Variants in FRS2 observed in about 807,000 individuals in gnomAD.
FRS2 encodes the protein FGFR signalling adaptor.
FRS2 carries 8 observed loss-of-function variants against 43.9 expected under a neutral mutation model. The ratio of observed to expected loss-of-function variants is 0.18; its 90% CI spans 0.11 to 0.33. The LOEUF is 0.33. FRS2 is among the 10% of genes least tolerant of loss of function. FRS2 has a pLI of 1.00. For synonymous variants in FRS2, 219 were observed against 220.3 expected (o/e 0.99, Z 0.05); for missense variants, 534 against 627.6 (o/e 0.85, Z 1.59).
intron 3 of FRS2, among the ~76,000 whole-genome samples, chr12:69,536,308 A>G (rs1877303210): frequency 6.6e-6 from 1 of 151,066 alleles, no homozygotes; most frequent in Admixed American, 6.6e-5. Flanking sequence ...TTTTTTAAGT[A>G]GAGATGGGGT....
intron 3 of FRS2, among the ~76,000 whole-genome samples, chr12:69,553,677 T>C (rs1879099430): frequency 6.6e-6 from 1 of 152,314 alleles, no homozygotes. Flanking sequence ...TCTCTAGACC[T>C]AGATAATTCT....
At chr12:69,545,779 CAAAA>C (rs1184877881) in intron 3 of FRS2, among the ~76,000 whole-genome samples, 3 of 108,230 alleles carry the variant, frequency 2.8e-5, no homozygotes, top group African/African-American at 1.1e-4. Context: ...AAAAAAAAAA[CAAAA>C]ACAAAAACCC....
rs887350263 is a variant in FRS2 at position 69,521,647 on chromosome 12, G to A, written c.-260-9218G>A. 1.4e-4 allele frequency among the ~76,000 whole-genome samples: 21 copies of A among 151,928 alleles called. No homozygotes were observed. The East Asian group carries it at 1.7e-3, about 13-fold the overall frequency. On this transcript the variant is annotated intron_variant, in intron 1 of 8. Transcript: ENST00000549921. ...TTTGTTTTTTTTGAGATGGAGTCTCGCTCTTTCACCCAGGCTGGAGTGCAG... is the reference window on the plus strand; with the variant it reads ...TTTGTTTTTTTTGAGATGGAGTCTCACTCTTTCACCCAGGCTGGAGTGCAG...
intron 1 of FRS2, among the ~76,000 whole-genome samples, chr12:69,488,613 A>G (rs926770641): frequency 2.0e-5 from 3 of 152,128 alleles, no homozygotes; most frequent in African/African-American, 7.2e-5. Context: ...GTATGCTTGT[A>G]TATAAAATCC....
chr12:69,567,512 C>T (rs913431382), intron 4 of FRS2, among the ~76,000 whole-genome samples: 1 of 152,100 alleles, frequency 6.6e-6, no homozygotes, highest in African/African-American at 2.4e-5. Context: ...TCCTTGCTGA[C>T]AAGGGGCTCA....
intron 3 of FRS2, among the ~76,000 whole-genome samples, chr12:69,551,873 A>G (rs1426053712): frequency 1.3e-5 from 2 of 152,146 alleles, no homozygotes; most frequent in Non-Finnish European, 2.9e-5. Context: ...CATTGACTGT[A>G]TGGCATGTTT....
At chr12:69,506,061 T>C (rs1295555668) in intron 1 of FRS2, among the ~76,000 whole-genome samples, 3 of 152,200 alleles carry the variant, frequency 2.0e-5, no homozygotes, top group South Asian at 2.1e-4. Context: ...TAAAAAATTA[T>C]GAGACAGTAA....
At chr12:69,573,322 C>A in intron 8 of FRS2, among the ~76,000 whole-genome samples, 1 of 151,986 alleles carries the variant, frequency 6.6e-6, no homozygotes, top group South Asian at 2.1e-4. Context: ...TTTTCAAAGT[C>A]GTTATTTATT....
At chr12:69,491,081 C>T (rs941671823) in intron 1 of FRS2, among the ~76,000 whole-genome samples, 22 of 152,298 alleles carry the variant, frequency 1.4e-4, no homozygotes, top group African/African-American at 5.1e-4. Context: ...ACATTTTCTT[C>T]CTACATTTAT....
Position 69,479,953 on chromosome 12 carries a change from TCTTA to T in FRS2, c.-261+9424_-261+9427del, listed in dbSNP as rs1408068980. ...GATCTTCTTACTCTACCTCCGTGTC[TCTTA>T]ACCTGTCTTTTATATTGTCCATTTC... On this transcript the variant is annotated intron_variant, in intron 1 of 8. Transcript: ENST00000549921. Among the ~76,000 whole-genome samples, 15 of 152,240 alleles carry T rather than the reference TCTTA, an allele frequency of 9.9e-5. 1 individual carries two copies. The highest frequency in any genetic ancestry group is 3.2e-3 in the Middle Eastern group (1 of 316).
At chr12:69,502,686 G>C (rs774041461) in intron 1 of FRS2, among the ~76,000 whole-genome samples, 1 of 152,192 alleles carries the variant, frequency 6.6e-6, no homozygotes, top group Non-Finnish European at 1.5e-5. Flanking sequence ...GAGAGGAGCA[G>C]CAAGCAAATT....
intron 3 of FRS2, among the ~76,000 whole-genome samples, chr12:69,557,619 T>TGTGTGTGCGCGTGC (rs1555192498): frequency 0.01 from 1,219 of 119,014 alleles, 20 homozygotes; most frequent in African/African-American, 0.032. Context: ...TGTGTGTGTG[T>TGTGTGTGCGCGTGC]GCGCGCGCGC....
intron 4 of FRS2, among the ~76,000 whole-genome samples, chr12:69,568,121 C>T (rs1051934686): frequency 1.3e-5 from 2 of 152,162 alleles, no homozygotes; most frequent in Non-Finnish European, 2.9e-5. Context: ...TGTTCTTAAA[C>T]ACTCAATGTC....
intron 1 of FRS2, among the ~76,000 whole-genome samples, chr12:69,503,845 A>G (rs1873683215): frequency 6.6e-6 from 1 of 152,200 alleles, no homozygotes; most frequent in Non-Finnish European, 1.5e-5. Flanking sequence ...TAGAAATGAG[A>G]ACAACACCAG....
intron 1 of FRS2, among the ~76,000 whole-genome samples, chr12:69,483,211 A>G (rs908225129): frequency 6.6e-6 from 1 of 152,144 alleles, no homozygotes; most frequent in Non-Finnish European, 1.5e-5. Context: ...TTCAACCTGG[A>G]CTTCCTTGTG....
At chr12:69,543,016 A>G (rs937238694) in intron 3 of FRS2, among the ~76,000 whole-genome samples, 4 of 152,206 alleles carry the variant, frequency 2.6e-5, no homozygotes, top group Admixed American at 6.5e-5. Flanking sequence ...CAGTTTTTGA[A>G]TCTATAGTAC....
At chr12:69,512,015 T>C (rs1874506664) in intron 1 of FRS2, among the ~76,000 whole-genome samples, 1 of 152,224 alleles carries the variant, frequency 6.6e-6, no homozygotes, top group Admixed American at 6.5e-5. Context: ...AACAGAGGTT[T>C]CTGAAGCCTT....
At chr12:69,527,548 T>G (rs1447187982) in intron 1 of FRS2, among the ~76,000 whole-genome samples, 1 of 151,992 alleles carries the variant, frequency 6.6e-6, no homozygotes, top group African/African-American at 2.4e-5. Context: ...AATATGGGAT[T>G]TGTCGTTAAT....
At chr12:69,509,860 G>A (rs895962041) in intron 1 of FRS2, among the ~76,000 whole-genome samples, 1 of 152,098 alleles carries the variant, frequency 6.6e-6, no homozygotes, top group African/African-American at 2.4e-5. Context: ...GGTCAGTCAT[G>A]CTTTACATCC....
Sources: allele counts gnomAD v4.1 joint callset (sites outside exome capture counted in the v4.1 genomes callset), GRCh38; gene constraint gnomAD v4.1.1; transcripts MANE v1.5; gene names NCBI Gene and HGNC (gene_info 2026-07-23, HGNC 2026-07-21).